The following IFT122 variants were observed in gnomAD, a reference collection of about 807,000 sequenced individuals.
IFT122 encodes intraflagellar transport protein 122 homolog.
A neutral mutation model predicts 161.6 loss-of-function variants in IFT122; 118 were observed. The observed-to-expected ratio is 0.73, with a 90% CI of 0.63 to 0.85. IFT122 has a LOEUF of 0.85. Among genes scored for constraint, IFT122 ranks in the 40% least tolerant of loss-of-function variants. IFT122 has a pLI of 0.00. For synonymous variants in IFT122, 550 were observed against 602.4 expected (o/e 0.91, Z 1.27); for missense variants, 1,381 against 1,579.6 (o/e 0.87, Z 2.13).
chr3:129,517,700 G>A (rs1456480150), intron 27 of IFT122, 106 bp downstream of exon 27: 81 of 1,427,860 alleles, frequency 5.7e-5, no homozygotes, highest in Non-Finnish European at 7.7e-5. Flanking sequence ...GCCATGCTGA[G>A]CCTGGCCCTG....
At chr3:129,454,804 A>G (rs1009220508) in intron 3 of IFT122, among the ~76,000 whole-genome samples, 1 of 152,098 alleles carries the variant, frequency 6.6e-6, no homozygotes, top group Non-Finnish European at 1.5e-5. Flanking sequence ...AGTGTGACCC[A>G]TCAGTAGTGG....
Position 129,512,428 on chromosome 3 carries a change from T to C in IFT122, c.2987+16T>C, listed in dbSNP as rs762822514. 3 of 1,540,324 alleles carry C rather than the reference T, an allele frequency of 1.9e-6. No homozygotes were observed. The highest frequency in any genetic ancestry group is 1.7e-5 in the Admixed American group (1 of 59,886). ...TCTCTAAAGTGTATCCTTTCTCTTA[T>C]CCCTCCTCCGTCCCACCACCGTTCT... is the stretch of plus-strand genomic sequence containing the variant. On this transcript the variant is annotated intron_variant, in intron 24 of 29. Coordinates refer to ENST00000348417, the MANE Select transcript of IFT122 (RefSeq NM_052989.3).
chr3:129,476,076 A>T (rs1301416513), intron 9 of IFT122: 5 of 550,178 alleles, frequency 9.1e-6, no homozygotes, highest in Non-Finnish European at 1.6e-5. Flanking sequence ...CTTGGGTGGG[A>T]CTAGGGGAGG....
At chr3:129,465,114 AGTGTGTGTGTGT>A (rs56116340) in intron 7 of IFT122, among the ~76,000 whole-genome samples, 9,498 of 142,336 alleles carry the variant, frequency 0.067, 681 homozygotes, top group African/African-American at 0.18. Flanking sequence ...CATGTATATG[AGTGTGTGTGTGT>A]GTGTGTGTGT....
rs373212863 is a variant in IFT122 at position 129,469,349 on chromosome 3, C to G, written c.748C>G (p.Arg250Gly). The change falls in exon 9 of 30, where the codon CGT (arginine) becomes GGT (glycine). Residue 250 changes from arginine (R) to glycine (G), a missense_variant. By Grantham distance (125) the Arg-to-Gly change is moderately radical (BLOSUM62 -2). Around this residue, in one of 7 missense-constraint regions of IFT122, gnomAD observed 544 missense variants for 648.0 expected, o/e 0.84. Transcript: ENST00000348417. ...TTATCTTCTGTTGATTAGAGAGGAA[C>G]GTAATGACATCCTGGCTGTGGCTGA... ...DSPRDDNLEE[R>G]NDILAVADWG... is the part of the protein sequence containing the mutation. 1 of 1,613,748 alleles carries G rather than the reference C, an allele frequency of 6.2e-7. No individual in the cohort carries two copies. The highest frequency in any genetic ancestry group is 1.1e-5 in the South Asian group (1 of 91,064).
At chr3:129,449,105 CTCTT>C (rs1307781648) in intron 1 of IFT122, among the ~76,000 whole-genome samples, 1 of 152,220 alleles carries the variant, frequency 6.6e-6, no homozygotes, top group African/African-American at 2.4e-5. Context: ...CTGCCGAAGA[CTCTT>C]TTACCTTCAC....
chr3:129,458,675 C>G lies in IFT122; in HGVS notation c.270C>G (p.Tyr90Ter). 3.1e-6 allele frequency: 5 copies of G among 1,605,716 alleles called. No homozygotes were observed. Among genetic ancestry groups the G allele is most frequent in the South Asian group, 1.1e-5 (1 of 90,918 alleles). ...CAAAACTGGAAGGCATTCTGAAGTA[C>G]ACGTAAGTAACTTAGGTGTACAGTA... ...WTSKLEGILK[Y>*]THNDAIQCVS... The change falls in exon 4 of 30, where the codon TAC (tyrosine) becomes TAG (stop). Residue 90 changes from tyrosine to a stop codon, truncating the protein, a stop_gained and splice_region_variant. Coordinates refer to ENST00000348417, the MANE Select transcript of IFT122 (RefSeq NM_052989.3). LOFTEE classifies it high-confidence loss of function.
intron 4 of IFT122, 91 bp downstream of exon 4, chr3:129,458,768 T>G: frequency 2.0e-6 from 2 of 989,512 alleles, no homozygotes; most frequent in Non-Finnish European, 3.2e-6. Context: ...GAGAAAACTT[T>G]TTTCTCTTAA....
At chr3:129,444,217 T>C (rs561022468) in intron 1 of IFT122, among the ~76,000 whole-genome samples, 1 of 152,314 alleles carries the variant, frequency 6.6e-6, no homozygotes, top group South Asian at 2.1e-4. Context: ...TATTCCGCCA[T>C]GCTGCTTCTC....
intron 25 of IFT122, 159 bp downstream of exon 25, chr3:129,514,713 CT>C (rs755271129): frequency 2.4e-4 from 199 of 826,492 alleles, no homozygotes; most frequent in Non-Finnish European, 3.8e-4. Context: ...CTCCCCTGTG[CT>C]TCCCTGTCCA....
Position 129,478,201 on chromosome 3 carries a change from C to A in IFT122, c.1333C>A (p.His445Asn). The A allele has an allele frequency of 6.2e-7, 1 of 1,614,134 alleles. No homozygotes were observed. The highest frequency in any genetic ancestry group is 1.1e-5 in the South Asian group (1 of 91,086). ...CAACCTCCTGGTGGTGTGTGCCAAT[C>A]ACATCATCCTGTGCCAGGTGGGCAG... ...ECNLLVVCAN[H>N]IILCQEKRLQ... The change falls in exon 12 of 30, where the codon CAC (histidine) becomes AAC (asparagine). Residue 445 changes from histidine to asparagine, a missense_variant. This residue lies in a region of IFT122 where 544 missense variants were observed against 648.0 expected (regional missense o/e 0.84). Transcript: ENST00000348417.
intron 19 of IFT122, among the ~76,000 whole-genome samples, chr3:129,501,267 G>A (rs2081510841): frequency 6.6e-6 from 1 of 152,158 alleles, no homozygotes; most frequent in Admixed American, 6.5e-5. Flanking sequence ...CCTGAGGGTG[G>A]CTCAGGCTGG....
At chr3:129,500,869 C>T (rs140436830) in intron 19 of IFT122, among the ~76,000 whole-genome samples, 1 of 152,194 alleles carries the variant, frequency 6.6e-6, no homozygotes, top group African/African-American at 2.4e-5. Flanking sequence ...AGTCAGACAC[C>T]CCCTCAGGCA....
rs143306012 is a variant in IFT122 at position 129,492,037 on chromosome 3, T to C, written c.1993-104T>C. On this transcript the variant is annotated intron_variant, in intron 16 of 29. Transcript: ENST00000348417. Reference sequence around the variant, plus strand: ...CTGTGCTTGCTCCCTTCCTCTCCTCTGTGGCTCACTGTCTAGATAGAGCTT... The same window carrying C: ...CTGTGCTTGCTCCCTTCCTCTCCTCCGTGGCTCACTGTCTAGATAGAGCTT... 2.9e-4 allele frequency: 247 copies of C among 853,410 alleles called. 7 individuals are homozygous for C. Among genetic ancestry groups the C allele is most frequent in the South Asian group, 2.9e-3 (216 of 75,284 alleles). 52.9% of individuals were successfully genotyped at this position (853,410 alleles called of 1,614,324 possible).
At chr3:129,513,555 A>T (rs1348498502) in intron 24 of IFT122, 6 of 154,194 alleles carry the variant, frequency 3.9e-5, no homozygotes, top group Non-Finnish European at 5.8e-5. Context: ...GAGCACCTGT[A>T]CTCATCCTTT....
chr3:129,459,260 A>G, intron 4 of IFT122: 1 of 452,812 alleles, frequency 2.2e-6, no homozygotes, highest in South Asian at 1.6e-5. Context: ...TGTAAGTTCC[A>G]TAAGAACAGA....
chr3:129,519,021 T>G (rs2084384319), intron 27 of IFT122, 86 bp from the exon 28 acceptor site: 51 of 1,155,798 alleles, frequency 4.4e-5, no homozygotes, highest in Middle Eastern at 2.0e-4. Flanking sequence ...TGGCTGCCCT[T>G]GAGTCTTCTC....
At chr3:129,477,797 A>G (rs988547023) in intron 11 of IFT122, among the ~76,000 whole-genome samples, 5 of 152,210 alleles carry the variant, frequency 3.3e-5, no homozygotes, top group African/African-American at 1.2e-4. Context: ...TTCCATACTC[A>G]GTTGTCAGCC....
At chr3:129,496,130 C>T (rs1371919737) in intron 18 of IFT122, among the ~76,000 whole-genome samples, 1 of 152,140 alleles carries the variant, frequency 6.6e-6, no homozygotes, top group African/African-American at 2.4e-5. Context: ...GCATGCCTCA[C>T]GCCTGCCGGC....
Sources: allele counts gnomAD v4.1 joint callset (sites outside exome capture counted in the v4.1 genomes callset), GRCh38; gene constraint gnomAD v4.1.1; regional missense constraint gnomAD v4.1.1; transcripts MANE v1.5; gene names NCBI Gene and HGNC (gene_info 2026-07-23, HGNC 2026-07-21).